The following PAX2 variants were observed in gnomAD, a reference collection of about 807,000 sequenced individuals.
The protein encoded by PAX2 is paired box protein Pax-2.
A neutral mutation model predicts 41.7 loss-of-function variants in PAX2; 9 were observed. The ratio of observed to expected loss-of-function variants is 0.22; its 90% confidence interval spans 0.13 to 0.38. The LOEUF (loss-of-function observed/expected upper bound fraction) is 0.38. Among genes scored for constraint, PAX2 ranks in the 10% least tolerant of loss-of-function variants. The pLI, the probability that PAX2 is intolerant of heterozygous loss-of-function variation, is 1.00. For missense variants in PAX2, 418 were observed against 531.6 expected (o/e 0.79, Z 2.10); for synonymous variants, 221 against 212.7 (o/e 1.04, Z -0.34).
At chr10:100,774,583 G>A (rs186914375) in intron 3 of PAX2, among the ~76,000 whole-genome samples, 6 of 152,088 alleles carry the variant, frequency 3.9e-5, no homozygotes, top group East Asian at 1.9e-4. Context: ...TGCCTGCATC[G>A]GCCTAAATTG....
chr10:100,819,174 G>A (rs567738693), intron 7 of PAX2, among the ~76,000 whole-genome samples: 2 of 151,972 alleles, frequency 1.3e-5, no homozygotes, highest in Non-Finnish European at 2.9e-5. Context: ...CTTGAACCTG[G>A]GAGGCAGAGG....
At chr10:100,802,094 T>A (rs1365357840) in intron 5 of PAX2, among the ~76,000 whole-genome samples, 3 of 152,214 alleles carry the variant, frequency 2.0e-5, no homozygotes, top group Non-Finnish European at 4.4e-5. Context: ...ACCCTCCCTC[T>A]ATGGGGACTG....
chr10:100,827,167 C>G lies in PAX2; in HGVS notation c.1108+72C>G. 8.0e-7 allele frequency: 1 copy of G among 1,257,386 alleles called. No individual in the cohort carries two copies. Among genetic ancestry groups the G allele is most frequent in the Non-Finnish European group, 1.2e-6 (1 of 862,890 alleles). The allele number at this position is 1,257,386 out of a possible 1,614,324, so 77.9% of individuals were successfully genotyped here. On this transcript the variant is annotated intron_variant, in intron 9 of 9. Coordinates refer to ENST00000355243, the MANE Select transcript of PAX2 (RefSeq NM_000278.5). This position sits in a 1 kb window ranked among gnomAD's most constrained non-coding sequence, Gnocchi z 8.5. ...CTTCTGGGCACGGTCCCACTCCCGG[C>G]GACCCGACCTCTGGGGACCCGGCCG...
chr10:100,804,996 TCCTTCTC>T (rs1847711392), intron 5 of PAX2, among the ~76,000 whole-genome samples: 1 of 144,880 alleles, frequency 6.9e-6, no homozygotes, highest in South Asian at 2.2e-4. Flanking sequence ...TCTCTCTCTC[TCCTTCTC>T]TCTCTCTCTC....
intron 4 of PAX2, 47 bp from the exon 5 acceptor site, chr10:100,781,199 C>T (rs1188669877): frequency 1.2e-6 from 2 of 1,610,204 alleles, no homozygotes; most frequent in African/African-American, 2.7e-5. Context: ...ACGATCACAA[C>T]TGCTAAACTG....
chr10:100,811,163 A>G (rs1421650554), intron 7 of PAX2, among the ~76,000 whole-genome samples: 1 of 152,182 alleles, frequency 6.6e-6, no homozygotes, highest in Admixed American at 6.5e-5. Context: ...GGATAGGGGT[A>G]GGGAATGATT....
chr10:100,786,190 C>T (rs138391972), intron 5 of PAX2, among the ~76,000 whole-genome samples: 27 of 152,334 alleles, frequency 1.8e-4, no homozygotes, highest in African/African-American at 1.9e-4. Flanking sequence ...GATTAGCTAA[C>T]CCGGATGGGA....
chr10:100,761,765 TG>T (rs1343054338), intron 3 of PAX2, among the ~76,000 whole-genome samples: 1 of 152,142 alleles, frequency 6.6e-6, no homozygotes, highest in African/African-American at 2.4e-5. Flanking sequence ...TCAGGTCAGG[TG>T]ACTGCTTCTT....
At position 100,809,128 on chromosome 10, in the gene PAX2, C is replaced by T. The variant is rs1163743985; in HGVS notation, c.811C>T (p.Pro271Ser). 6.2e-7 allele frequency: 1 copy of T among 1,613,524 alleles called. No individual in the cohort carries two copies. Among genetic ancestry groups the T allele is most frequent in the Non-Finnish European group, 8.5e-7 (1 of 1,179,530 alleles). ...CTCCCAGGGGAACGAGTACTCCCTC[C>T]CAGCCCTGACCCCTGGGCTTGATGA... ...KSEQGNEYSL[P>S]ALTPGLDEVK... The change falls in exon 7 of 10, where the codon CCA becomes TCA. Residue 271 changes from proline (P) to serine (S), a missense_variant. Pro to Ser is a moderately conservative substitution (Grantham distance 74). Transcript: ENST00000355243.
At chr10:100,735,799 TGGCCGGGGCGGGCTC>T in intron 1 of PAX2, 1 of 939,006 alleles carries the variant, frequency 1.1e-6, no homozygotes, top group Non-Finnish European at 1.3e-6. Flanking sequence ...GGGGCGGCCA[TGGCCGGGGCGGGCTC>T]CTCTCCTCTT....
At chr10:100,787,389 T>C (rs143705908) in intron 5 of PAX2, among the ~76,000 whole-genome samples, 2 of 152,324 alleles carry the variant, frequency 1.3e-5, no homozygotes, top group Admixed American at 6.5e-5. Context: ...GTTCCCATTA[T>C]ATTTGTTTGT....
intron 5 of PAX2, among the ~76,000 whole-genome samples, chr10:100,790,520 C>T (rs1847066349): frequency 6.6e-6 from 1 of 152,336 alleles, no homozygotes; most frequent in Admixed American, 6.5e-5. Flanking sequence ...CCCTTCTTCC[C>T]CAAGCACAGG....
In PAX2 at chr10:100,826,087, C is replaced by T. The variant is rs1044178125; in HGVS notation, c.1022-922C>T. On this transcript the variant is annotated intron_variant, in intron 8 of 9. Transcript: ENST00000355243. The surrounding 1 kb of genome is among the most constrained non-coding windows in gnomAD (Gnocchi z 5.5). ...GAGGAAATTACACTTGTTTCATTAG[C>T]GATGGGGAAGGAGATAGCTCAGTTC... 6.6e-6 allele frequency among the ~76,000 whole-genome samples: 1 copy of T among 151,948 alleles called. No homozygotes were observed. The highest frequency in any genetic ancestry group is 2.4e-5 in the African/African-American group (1 of 41,362).
chr10:100,799,219 GC>G (rs772008873), intron 5 of PAX2, among the ~76,000 whole-genome samples: 46 of 152,204 alleles, frequency 3.0e-4, no homozygotes, highest in Middle Eastern at 3.4e-3. Context: ...GAGGCCCAAG[GC>G]CCATCACCCA....
At chr10:100,799,007 G>C (rs1013755169) in intron 5 of PAX2, among the ~76,000 whole-genome samples, 1 of 152,280 alleles carries the variant, frequency 6.6e-6, no homozygotes, top group Non-Finnish European at 1.5e-5. Context: ...CTACCGAGGA[G>C]AACAATTGAG....
intron 1 of PAX2, among the ~76,000 whole-genome samples, chr10:100,736,479 G>T (rs1844779082): frequency 6.6e-6 from 1 of 152,212 alleles, no homozygotes; most frequent in Admixed American, 6.5e-5. Flanking sequence ...TCGGGGGAGG[G>T]AGAGGGTTGG....
intron 1 of PAX2, among the ~76,000 whole-genome samples, chr10:100,735,966 A>G (rs1844768752): frequency 2.0e-5 from 3 of 152,096 alleles, no homozygotes; most frequent in South Asian, 2.1e-4. Context: ...GAGTTCTACA[A>G]CTTCGCTTGC....
intron 3 of PAX2, among the ~76,000 whole-genome samples, chr10:100,777,254 A>C (rs1846427222): frequency 6.6e-6 from 1 of 151,496 alleles, no homozygotes; most frequent in African/African-American, 2.4e-5. Flanking sequence ...GGTGCATACC[A>C]CCACACCTGG....
At chr10:100,794,958 G>A (rs1831807071) in intron 5 of PAX2, among the ~76,000 whole-genome samples, 2 of 152,140 alleles carry the variant, frequency 1.3e-5, no homozygotes, top group Non-Finnish European at 2.9e-5. Context: ...AAGGTCATAA[G>A]GATGTCTTCT....
Sources: gnomAD v4.1 joint callset for allele counts (sites outside exome capture counted in the v4.1 genomes callset) on GRCh38, gnomAD v4.1.1 for gene constraint, Gnocchi (gnomAD v3.1) non-coding constraint, MANE v1.5 for transcripts, NCBI Gene and HGNC (gene_info 2026-07-23, HGNC 2026-07-21) for gene names.